The following ITPR2 variants were observed in gnomAD, a reference collection of about 807,000 sequenced individuals.
The protein encoded by ITPR2 is inositol 1,4,5-trisphosphate-gated calcium channel ITPR2.
ITPR2 carries 207 observed loss-of-function variants against 317.1 expected under a neutral mutation model. The ratio of observed to expected loss-of-function variants is 0.65; its 90% CI spans 0.58 to 0.73. The LOEUF (loss-of-function observed/expected upper bound fraction) is 0.73. Ranked by LOEUF, ITPR2 falls within the 30% of genes least tolerant of loss-of-function variation. The pLI is 0.00. For synonymous variants in ITPR2, 1,156 were observed against 1,149.1 expected, an observed-to-expected ratio of 1.01 and a Z score of -0.12; for missense variants, 2,613 against 3,284.0, an observed-to-expected ratio of 0.80 and a Z score of 4.99.
intron 1 of ITPR2, among the ~76,000 whole-genome samples, chr12:26,801,603 C>T (rs1289881325): frequency 1.3e-5 from 2 of 152,186 alleles, no homozygotes; most frequent in Non-Finnish European, 2.9e-5. Flanking sequence ...CCCTCTGGGT[C>T]TTTGTATCAT....
intron 50 of ITPR2, among the ~76,000 whole-genome samples, chr12:26,418,559 A>T (rs1219998940): frequency 1.3e-5 from 2 of 152,214 alleles, no homozygotes; most frequent in Non-Finnish European, 2.9e-5. Context: ...ACCAAAAACT[A>T]TAAGACTGTT....
intron 37 of ITPR2, among the ~76,000 whole-genome samples, chr12:26,506,061 C>A (rs1228925164): frequency 6.7e-6 from 1 of 150,012 alleles, no homozygotes; most frequent in Non-Finnish European, 1.5e-5. Flanking sequence ...CAGCCTTGTA[C>A]TAAAAATACT....
At chr12:26,611,456 CTAGA>C (rs1031328411) in intron 26 of ITPR2, among the ~76,000 whole-genome samples, 3 of 151,916 alleles carry the variant, frequency 2.0e-5, no homozygotes, top group African/African-American at 7.3e-5. Context: ...GAAGTAAAAA[CTAGA>C]TAGAGAGTTT....
At chr12:26,589,966 GTCA>G in intron 32 of ITPR2, among the ~76,000 whole-genome samples, 1 of 150,708 alleles carries the variant, frequency 6.6e-6, no homozygotes, top group Non-Finnish European at 1.5e-5. Context: ...CATCCTGAAT[GTCA>G]TACCTTTCAA....
chr12:26,631,421 T>G (rs1946749763), intron 22 of ITPR2, among the ~76,000 whole-genome samples: 1 of 152,170 alleles, frequency 6.6e-6, no homozygotes, highest in Non-Finnish European at 1.5e-5. Context: ...TAATAAGAAA[T>G]AAAATTTTAT....
chr12:26,611,887 G>A (rs1014353341), intron 26 of ITPR2, among the ~76,000 whole-genome samples: 1 of 152,186 alleles, frequency 6.6e-6, no homozygotes, highest in African/African-American at 2.4e-5. Context: ...TGCTCCTAAT[G>A]CTACTGATAT....
chr12:26,792,054 C>T (rs907446747), intron 1 of ITPR2, among the ~76,000 whole-genome samples: 5 of 152,074 alleles, frequency 3.3e-5, no homozygotes, highest in Non-Finnish European at 5.9e-5. Context: ...CCTGTGTGGA[C>T]CAGCCATCAA....
chr12:26,682,558 C>T lies in ITPR2; in HGVS notation c.1248+16G>A, dbSNP rs1446155946. 6.6e-7 allele frequency: 1 copy of T among 1,517,728 alleles called. No homozygotes were observed. Among genetic ancestry groups the T allele is most frequent in the South Asian group, 1.2e-5 (1 of 86,420 alleles). 94.0% of individuals were successfully genotyped at this position (1,517,728 alleles called of 1,614,324 possible). On this transcript the variant is annotated intron_variant, in intron 12 of 56. Transcript: ENST00000381340. ...GGCATTTGGCTGAAAATTAAACCAT[C>T]TTCAGTGACATTTACCTTTAACATA...
chr12:26,695,457 A>C (rs746412667), intron 10 of ITPR2, 149 bp downstream of exon 10: 1 of 629,894 alleles, frequency 1.6e-6, no homozygotes, highest in Non-Finnish European at 2.8e-6. Context: ...AATCTAAGCC[A>C]TATCATCTTT....
intron 20 of ITPR2, among the ~76,000 whole-genome samples, 171 bp downstream of exon 20, chr12:26,655,537 C>A (rs1259211116): frequency 6.6e-6 from 1 of 151,338 alleles, no homozygotes; most frequent in East Asian, 1.9e-4. Flanking sequence ...TGGCGTGAAC[C>A]CGGGAGGCGG....
chr12:26,670,331 G>A (rs923390331), intron 13 of ITPR2, among the ~76,000 whole-genome samples: 10 of 152,140 alleles, frequency 6.6e-5, no homozygotes, highest in African/African-American at 2.4e-4. Context: ...TCACACGGCC[G>A]GGTACTCCTC....
At chr12:26,380,920 A>T (rs1206813268) in intron 55 of ITPR2, among the ~76,000 whole-genome samples, 1 of 152,204 alleles carries the variant, frequency 6.6e-6, no homozygotes, top group African/African-American at 2.4e-5. Context: ...GGGTGACTAG[A>T]TGGGTAGATT....
intron 37 of ITPR2, among the ~76,000 whole-genome samples, chr12:26,529,588 A>G (rs1487215635): frequency 6.6e-6 from 1 of 152,164 alleles, no homozygotes; most frequent in African/African-American, 2.4e-5. Context: ...CCTATTAAAG[A>G]TCCTATAATC....
chr12:26,439,074 C>G (rs1471670010), intron 47 of ITPR2, 53 bp downstream of exon 47: 1 of 1,149,096 alleles, frequency 8.7e-7, no homozygotes, highest in African/African-American at 1.6e-5. Flanking sequence ...CCCAAAGTAC[C>G]AAATTATCTA....
At chr12:26,648,510 C>CT (rs34607660) in intron 21 of ITPR2, among the ~76,000 whole-genome samples, 25,405 of 131,254 alleles carry the variant, frequency 0.19, 2,554 homozygotes, top group Non-Finnish European at 0.24. Context: ...AAACCACTTT[C>CT]TTTTTTTTTT....
chr12:26,696,518 T>A (rs969625797), intron 9 of ITPR2, among the ~76,000 whole-genome samples: 7 of 151,902 alleles, frequency 4.6e-5, no homozygotes, highest in Admixed American at 1.3e-4. Flanking sequence ...CCCTTCCAAC[T>A]CATCACTAAA....
intron 2 of ITPR2, among the ~76,000 whole-genome samples, chr12:26,776,369 T>A (rs890824025): frequency 6.6e-6 from 1 of 152,166 alleles, no homozygotes; most frequent in African/African-American, 2.4e-5. Context: ...AACTCCTGGC[T>A]TCAGAAGCAG....
At chr12:26,695,713 G>T in intron 9 of ITPR2, 63 bp from the exon 10 acceptor site, 3 of 976,630 alleles carry the variant, frequency 3.1e-6, no homozygotes, top group Non-Finnish European at 3.1e-6. Flanking sequence ...CAAGACCATT[G>T]ATCTTCAATT....
chr12:26,393,493 T>A (rs1334765028), intron 54 of ITPR2, among the ~76,000 whole-genome samples: 2 of 152,250 alleles, frequency 1.3e-5, no homozygotes, highest in Non-Finnish European at 2.9e-5. Context: ...GCAGAAAATG[T>A]ATACCTTTCT....
Sources: allele counts gnomAD v4.1 joint callset (sites outside exome capture counted in the v4.1 genomes callset), GRCh38; gene constraint gnomAD v4.1.1; transcripts MANE v1.5; gene names NCBI Gene and HGNC (gene_info 2026-07-23, HGNC 2026-07-21).